Variants in TTLL4 observed in about 807,000 individuals in gnomAD.
TTLL4 encodes the protein tubulin tyrosine ligase like 4, also known as tubulin monoglutamylase TTLL4.
Under a neutral mutation model 122.7 loss-of-function variants are expected in TTLL4, and 85 were observed. The observed-to-expected ratio is 0.69, with a 90% confidence interval of 0.58 to 0.83. The LOEUF (loss-of-function observed/expected upper bound fraction) is 0.83. Among genes scored for constraint, TTLL4 ranks in the 40% least tolerant of loss-of-function variants. TTLL4 has a pLI of 0.00. For synonymous variants in TTLL4, 553 were observed against 563.0 expected (o/e 0.98, Z 0.25); for missense variants, 1,363 against 1,488.6 (o/e 0.92, Z 1.39).
chr2:218,753,148 G>C lies in TTLL4; in HGVS notation c.3221G>C (p.Gly1074Ala), dbSNP rs1943069094. 1 of 1,614,026 alleles carries C rather than the reference G, an allele frequency of 6.2e-7. No homozygotes were observed. Among genetic ancestry groups the C allele is most frequent in the Non-Finnish European group, 8.5e-7 (1 of 1,179,982 alleles). Residue 1074 changes from glycine to alanine, a missense_variant, in exon 18 of 20, where the codon GGG (glycine) becomes GCG (alanine). Physicochemically the swap from Gly to Ala is moderately conservative, Grantham distance 60. Transcript: ENST00000392102. ...VDLLRSWCYK[G>A]FHMGVVSDSA... ...CTGCTCCGGAGTTGGTGCTACAAAG[G>C]GTTCCACATGGGAGTTGTCTCTGAT...
chr2:218,722,862 G>C (rs747039492), intron 1 of TTLL4, among the ~76,000 whole-genome samples: 1 of 152,238 alleles, frequency 6.6e-6, no homozygotes, highest in Non-Finnish European at 1.5e-5. Context: ...GGAAGGACTT[G>C]TTGATGGATT....
chr2:218,738,478 C>T lies in TTLL4; in HGVS notation c.802C>T (p.His268Tyr). Residue 268 changes from histidine to tyrosine, a missense_variant, in exon 3 of 20, where the codon CAT becomes TAT. His to Tyr is a moderately conservative substitution (Grantham distance 83). This residue lies in a region of TTLL4 where 760 missense variants were observed against 808.4 expected (regional missense o/e 0.94). Transcript: ENST00000392102. ...TGDCAPQPVD[H>Y]KVPKSIGTVP... ...AGACTGTGCACCGCAGCCTGTTGAC[C>T]ATAAGGTGCCCAAAAGCATTGGCAC... The T allele has an allele frequency of 6.2e-7, 1 of 1,614,186 alleles. No individual in the cohort carries two copies. The highest frequency in any genetic ancestry group is 8.5e-7 in the Non-Finnish European group (1 of 1,180,044).
chr2:218,722,928 G>T (rs1388319033), intron 1 of TTLL4, among the ~76,000 whole-genome samples: 3 of 152,248 alleles, frequency 2.0e-5, no homozygotes, highest in Non-Finnish European at 4.4e-5. Context: ...TGACAGGCAT[G>T]TCGGGAGTTT....
intron 2 of TTLL4, among the ~76,000 whole-genome samples, chr2:218,732,172 A>G (rs1472092709): frequency 6.6e-6 from 1 of 152,234 alleles, no homozygotes; most frequent in Non-Finnish European, 1.5e-5. Context: ...TTTAAGTAGT[A>G]TAAATATGTA....
chr2:218,718,497 AC>A (rs1430690872), intron 1 of TTLL4, among the ~76,000 whole-genome samples: 1 of 150,410 alleles, frequency 6.6e-6, no homozygotes, highest in Non-Finnish European at 1.5e-5. Context: ...TCCTGCCTCC[AC>A]CTCCCAAGTA....
intron 5 of TTLL4, among the ~76,000 whole-genome samples, chr2:218,743,694 T>A (rs1227300673): frequency 6.6e-6 from 1 of 152,194 alleles, no homozygotes; most frequent in Non-Finnish European, 1.5e-5. Context: ...TTTTTGTTTT[T>A]TTGAGATGGA....
At chr2:218,751,891 TTTTTTTTCTTTTCTTTTTC>T in intron 16 of TTLL4, 85 bp downstream of exon 16, 1 of 854,700 alleles carries the variant, frequency 1.2e-6, no homozygotes, top group Non-Finnish European at 1.7e-6. Context: ...GCTTTTCTTT[TTTTTTTTCTTTTCTTTTTC>T]TTTTTTTTTT....
intron 15 of TTLL4, 51 bp from the exon 16 acceptor site, chr2:218,751,650 CAAA>C: frequency 4.4e-6 from 7 of 1,587,886 alleles, no homozygotes; most frequent in Non-Finnish European, 6.0e-6. Flanking sequence ...ATATTTCCTC[CAAA>C]TAAGAAGCTG....
rs772776315 is a variant in TTLL4 at position 218,749,261 on chromosome 2, C to T, written c.2609C>T (p.Pro870Leu). 6.2e-7 allele frequency: 1 copy of T among 1,614,066 alleles called. No homozygotes were observed. The highest frequency in any genetic ancestry group is 8.5e-7 in the Non-Finnish European group (1 of 1,180,030). The change falls in exon 14 of 20, where the codon CCC becomes CTC. Residue 870 changes from proline (P) to leucine (L), a missense_variant. Transcript: ENST00000392102. ...CTCATCCCCATGACCAGGTCAGAGCCCTATGTGACCAGCCTGCTCAAGATG... is the reference window on the plus strand; with the variant it reads ...CTCATCCCCATGACCAGGTCAGAGCTCTATGTGACCAGCCTGCTCAAGATG... ...VVVKTIISSE[P>L]YVTSLLKMYV...
intron 2 of TTLL4, among the ~76,000 whole-genome samples, chr2:218,730,853 C>G (rs745379417): frequency 2.0e-5 from 3 of 151,956 alleles, no homozygotes; most frequent in Non-Finnish European, 4.4e-5. Flanking sequence ...GCCTATAATC[C>G]CAGAGCTTTG....
intron 8 of TTLL4, chr2:218,746,676 G>C: frequency 2.5e-6 from 1 of 399,090 alleles, no homozygotes; most frequent in Admixed American, 4.2e-5. Flanking sequence ...GAATGAATGA[G>C]TCCCTTGCCT....
intron 1 of TTLL4, among the ~76,000 whole-genome samples, chr2:218,716,131 A>G (rs1237643541): frequency 1.3e-5 from 2 of 152,212 alleles, no homozygotes; most frequent in East Asian, 1.9e-4. Flanking sequence ...GAAGCACTCA[A>G]ACTCGTGGTG....
downstream of TTLL4, among the ~76,000 whole-genome samples, chr2:218,755,953 C>T (rs1943143588): frequency 6.6e-6 from 1 of 152,166 alleles, no homozygotes; most frequent in Non-Finnish European, 1.5e-5. Flanking sequence ...GTGACAAAGT[C>T]CTGGGCATCA....
rs768514757 is a variant in TTLL4 at position 218,738,656 on chromosome 2, C to G, written c.980C>G (p.Ser327Cys). ...TGTGCTCTGGATGACAGCTCTGATT[C>G]CCAGGATCCAACTAAGGAGATTCGG... ...LSCALDDSSD[S>C]QDPTKEIRFT... The change falls in exon 3 of 20, where the codon TCC becomes TGC. Residue 327 changes from serine (S) to cysteine (C), a missense_variant. Transcript: ENST00000392102. 2 of 1,614,056 alleles carry G rather than the reference C, an allele frequency of 1.2e-6. No individual in the cohort carries two copies. The highest frequency in any genetic ancestry group is 1.3e-5 in the African/African-American group (1 of 74,914).
chr2:218,714,999 C>T (rs1214161640), intron 1 of TTLL4, among the ~76,000 whole-genome samples: 1 of 151,752 alleles, frequency 6.6e-6, no homozygotes, highest in Non-Finnish European at 1.5e-5. Flanking sequence ...TTACAATTTA[C>T]ATTAACTGTA....
intron 1 of TTLL4, among the ~76,000 whole-genome samples, chr2:218,720,674 CAAAAA>C (rs369308487): frequency 1.4e-5 from 1 of 72,378 alleles, no homozygotes; most frequent in Non-Finnish European, 3.0e-5. Flanking sequence ...ACTCCGGTCT[CAAAAA>C]AAAAAAAAAA....
rs1942985601 is a variant in TTLL4, at chr2:218,750,434, GA to G, written c.2873+289del. On this transcript the variant is annotated intron_variant, in intron 15 of 19. Coordinates refer to ENST00000392102, the MANE Select transcript of TTLL4 (RefSeq NM_014640.5). ...GCTACTTGGGAGACTGAAGCAGGGG[GA>G]TCTTTTAAGGCTAGAAGTTCACAGC... Among the ~76,000 whole-genome samples, 4 of 152,246 alleles carry G rather than the reference GA, an allele frequency of 2.6e-5. No homozygotes were observed. The South Asian group carries it at 8.3e-4, about 32-fold the overall frequency.
chr2:218,739,163 G>T lies in TTLL4; in HGVS notation c.1487G>T (p.Ser496Ile). ...RELDSSDRDI[S>I]SATDLQPDQA... ...CTGGACTCATCTGATAGGGATATTA[G>T]GTATGTTGGCAATGTTTTTGGTTCA... Residue 496 changes from serine (S) to isoleucine (I), a missense_variant and splice_region_variant, in exon 3 of 20, where the codon AGT becomes ATT. Ser to Ile is a moderately radical substitution (Grantham distance 142, BLOSUM62 -2). Transcript: ENST00000392102. 1 of 1,607,756 alleles carries T rather than the reference G, an allele frequency of 6.2e-7. No homozygotes were observed. The highest frequency in any genetic ancestry group is 8.5e-7 in the Non-Finnish European group (1 of 1,178,088).
At chr2:218,750,434 G>C (rs903064456) in intron 15 of TTLL4, among the ~76,000 whole-genome samples, 1 of 152,128 alleles carries the variant, frequency 6.6e-6, no homozygotes, top group Non-Finnish European at 1.5e-5. Context: ...GAAGCAGGGG[G>C]ATCTTTTAAG....
Sources: allele counts gnomAD v4.1 joint callset (sites outside exome capture counted in the v4.1 genomes callset), GRCh38; gene constraint gnomAD v4.1.1; regional missense constraint gnomAD v4.1.1; transcripts MANE v1.5; gene names NCBI Gene and HGNC (gene_info 2026-07-23, HGNC 2026-07-21).